CADM1: variants seen among roughly 807,000 people sequenced by gnomAD.
CADM1 encodes the protein TSLC-1.
Under a neutral mutation model 53.1 loss-of-function variants are expected in CADM1, and 15 were observed. That is an observed-to-expected ratio of 0.28 (90% CI 0.19 to 0.44). The LOEUF is 0.44. Ranked by LOEUF, CADM1 falls within the 20% of genes least tolerant of loss-of-function variation. The pLI, the probability that CADM1 is intolerant of heterozygous loss-of-function variation, is 1.00. For missense variants in CADM1, 434 were observed against 611.3 expected (o/e 0.71, Z 3.06); for synonymous variants, 281 against 243.0 (o/e 1.16, Z -1.45).
Position 115,245,194 on chromosome 11 carries a change from GA to G in CADM1, c.125-4775del, listed in dbSNP as rs141530170. ...GTCCCTTGTAGCAAAATCATATTAG[GA>G]AAACTAATCATATTAGGAAAACCTT... is the stretch of plus-strand genomic sequence containing the variant. On this transcript the variant is annotated intron_variant, in intron 1 of 11. Coordinates refer to ENST00000331581, the MANE Select transcript of CADM1 (RefSeq NM_001301043.2). 7.2e-3 allele frequency among the ~76,000 whole-genome samples: 1,103 copies of G among 152,176 alleles called. 8 individuals carry two copies. Among genetic ancestry groups the G allele is most frequent in the African/African-American group, 0.025 (1,052 of 41,506 alleles).
intron 10 of CADM1, chr11:115,179,026 G>C (rs1375943080): frequency 4.0e-6 from 2 of 500,022 alleles, no homozygotes; most frequent in African/African-American, 3.9e-5. Flanking sequence ...ACAAGCTTAG[G>C]GAGGCAGGGA....
intron 10 of CADM1, among the ~76,000 whole-genome samples, chr11:115,179,503 G>A (rs765546054): frequency 2.0e-5 from 3 of 152,144 alleles, no homozygotes; most frequent in Non-Finnish European, 2.9e-5. Flanking sequence ...ACTGAGGAAC[G>A]ACATGTTTGG....
Position 115,457,650 on chromosome 11 carries a change from T to C in CADM1, c.124+46621A>G, listed in dbSNP as rs1948708254. Reference sequence around the variant, plus strand: ...TAAAGAGCACTTACATGAATCTAAATGTCTAGGCTGCCAAGAAAAGTGGAA... The same window carrying C: ...TAAAGAGCACTTACATGAATCTAAACGTCTAGGCTGCCAAGAAAAGTGGAA... On this transcript the variant is annotated intron_variant, in intron 1 of 11. Coordinates refer to ENST00000331581, the MANE Select transcript of CADM1 (RefSeq NM_001301043.2). Among the ~76,000 whole-genome samples, 3 of 152,278 alleles carry C rather than the reference T, an allele frequency of 2.0e-5. 1 individual carries two copies. The South Asian group carries it at 6.2e-4, about 32-fold the overall frequency.
At chr11:115,475,284 CCT>C (rs1366877105) in intron 1 of CADM1, among the ~76,000 whole-genome samples, 1 of 150,928 alleles carries the variant, frequency 6.6e-6, no homozygotes, top group Non-Finnish European at 1.5e-5. Flanking sequence ...TATTTTTTTT[CCT>C]CTCTACCTTA....
chr11:115,498,051 T>C (rs1949659829), intron 1 of CADM1, among the ~76,000 whole-genome samples: 1 of 152,018 alleles, frequency 6.6e-6, no homozygotes, highest in South Asian at 2.1e-4. Context: ...CAAAGACTTT[T>C]TGAAATTAAC....
chr11:115,464,107 A>G (rs971142239), intron 1 of CADM1, among the ~76,000 whole-genome samples: 12 of 152,128 alleles, frequency 7.9e-5, no homozygotes, highest in Admixed American at 6.5e-4. Flanking sequence ...TTTCCTTTAC[A>G]TTGAACCAAT....
intron 1 of CADM1, among the ~76,000 whole-genome samples, chr11:115,406,950 T>TA (rs200226896): frequency 0.01 from 1,405 of 135,696 alleles, 10 homozygotes; most frequent in Middle Eastern, 0.036. Flanking sequence ...AACTCTGTCT[T>TA]AAAAAAAAAA....
chr11:115,275,537 A>C (rs1225170991), intron 1 of CADM1, among the ~76,000 whole-genome samples: 1 of 152,232 alleles, frequency 6.6e-6, no homozygotes, highest in African/African-American at 2.4e-5. Flanking sequence ...AGGTGTACAC[A>C]GTTCTTTGGT....
At chr11:115,215,856 G>A (rs952579606) in intron 6 of CADM1, among the ~76,000 whole-genome samples, 1 of 152,164 alleles carries the variant, frequency 6.6e-6, no homozygotes, top group African/African-American at 2.4e-5. Flanking sequence ...CTGCCTCTAG[G>A]AGCAGCGACA....
rs142882590 is a variant in CADM1 at position 115,297,279 on chromosome 11, C to T, written c.125-56859G>A. Among the ~76,000 whole-genome samples, 204 of 152,204 alleles carry T rather than the reference C, an allele frequency of 1.3e-3. 2 individuals carry two copies. Among genetic ancestry groups the T allele is most frequent in the African/African-American group, 4.6e-3 (189 of 41,534 alleles). Reference sequence around the variant, plus strand: ...GGAAAGCAGAGCTGCACTGACAGACCGTCTAGGATCAGAGAGACCTGGATG... The same window carrying T: ...GGAAAGCAGAGCTGCACTGACAGACTGTCTAGGATCAGAGAGACCTGGATG... On this transcript the variant is annotated intron_variant, in intron 1 of 11. Transcript: ENST00000331581.
chr11:115,206,647 A>C (rs11607801), intron 8 of CADM1, among the ~76,000 whole-genome samples: 70,337 of 151,526 alleles, frequency 0.46, 17,094 homozygotes, highest in Non-Finnish European at 0.55. Context: ...GAGTTTAAAA[A>C]TATTTTTCTA....
intron 10 of CADM1, among the ~76,000 whole-genome samples, chr11:115,179,736 G>A (rs1257731831): frequency 6.6e-6 from 1 of 150,962 alleles, no homozygotes; most frequent in Non-Finnish European, 1.5e-5. Context: ...TTTTTTTATT[G>A]AGTCAAGTAC....
chr11:115,198,388 C>G lies in CADM1; in HGVS notation c.1111+18G>C. 1.9e-6 allele frequency: 3 copies of G among 1,587,186 alleles called. No homozygotes were observed. Among genetic ancestry groups the G allele is most frequent in the Non-Finnish European group, 2.6e-6 (3 of 1,172,102 alleles). ...CAGCAGTGCTGAGAAAGTAGATAAACAGTAATGTGATACCAACCGTGAACT... is the reference window on the plus strand; with the variant it reads ...CAGCAGTGCTGAGAAAGTAGATAAAGAGTAATGTGATACCAACCGTGAACT... On this transcript the variant is annotated intron_variant, in intron 9 of 11. Coordinates refer to ENST00000331581, the MANE Select transcript of CADM1 (RefSeq NM_001301043.2).
chr11:115,262,780 T>A (rs1019632771), intron 1 of CADM1, among the ~76,000 whole-genome samples: 1 of 152,178 alleles, frequency 6.6e-6, no homozygotes, highest in Non-Finnish European at 1.5e-5. Context: ...AGCTTTTCTA[T>A]GCCCTTGATG....
chr11:115,327,790 G>C lies in CADM1; in HGVS notation c.125-87370C>G, dbSNP rs531420723. On this transcript the variant is annotated intron_variant, in intron 1 of 11. Transcript: ENST00000331581. ...ATTAGTACCTACTTCACAGATTACT[G>C]CAAGATTAAATGAAATTATGCATAC... 2.6e-3 allele frequency among the ~76,000 whole-genome samples: 397 copies of C among 152,262 alleles called. 3 individuals are homozygous for C. Among genetic ancestry groups the C allele is most frequent in the African/African-American group, 9.1e-3 (378 of 41,544 alleles).
chr11:115,278,790 G>A (rs1447332125), intron 1 of CADM1, among the ~76,000 whole-genome samples: 2 of 152,154 alleles, frequency 1.3e-5, no homozygotes, highest in Non-Finnish European at 2.9e-5. Context: ...AGGGAGGGAG[G>A]AGCAGCAGTC....
chr11:115,373,937 G>T (rs562505700), intron 1 of CADM1, among the ~76,000 whole-genome samples: 1 of 152,174 alleles, frequency 6.6e-6, no homozygotes, highest in Non-Finnish European at 1.5e-5. Context: ...ATTTGAATTG[G>T]AAGAGTCAAA....
intron 1 of CADM1, among the ~76,000 whole-genome samples, chr11:115,243,370 A>C (rs751750038): frequency 8.5e-5 from 13 of 152,222 alleles, no homozygotes; most frequent in Admixed American, 2.0e-4. Flanking sequence ...TGATCATGAA[A>C]TATTTTGCTG....
At chr11:115,178,148 CA>C (rs1939124686) in intron 11 of CADM1, among the ~76,000 whole-genome samples, 1 of 152,164 alleles carries the variant, frequency 6.6e-6, no homozygotes, top group South Asian at 2.1e-4. Context: ...GCTTTTAAGG[CA>C]AAAAATTTTC....
Sources: allele counts gnomAD v4.1 joint callset (sites outside exome capture counted in the v4.1 genomes callset), GRCh38; gene constraint gnomAD v4.1.1; transcripts MANE v1.5; gene names NCBI Gene and HGNC (gene_info 2026-07-23, HGNC 2026-07-21).